Variants in EBF1 observed in about 807,000 individuals in gnomAD.
EBF1 encodes the protein EBF transcription factor 1.
In EBF1, 10 loss-of-function variants were observed where a neutral mutation model predicts 68.4. That is an observed-to-expected ratio of 0.15 (90% CI 0.09 to 0.25). EBF1 has a LOEUF of 0.25. EBF1 is among the 10% of genes least tolerant of loss of function. EBF1 has a pLI of 1.00. For synonymous variants in EBF1, 298 were observed against 299.8 expected (o/e 0.99, Z 0.06); for missense variants, 509 against 794.4 (o/e 0.64, Z 4.32).
At chr5:158,932,139 C>T (rs759955838) in intron 6 of EBF1, among the ~76,000 whole-genome samples, 15 of 152,172 alleles carry the variant, frequency 9.9e-5, no homozygotes, top group Admixed American at 2.0e-4. Context: ...TGAAAACATT[C>T]ATATCCTTTG....
Position 159,030,400 on chromosome 5 carries a change from A to G in EBF1, c.554+42996T>C, listed in dbSNP as rs149263387. ...CCAGCATAAGCAAAGGAGCTGGCAT[A>G]AAAGAAATACTCCACAAATATTTGT... is the stretch of plus-strand genomic sequence containing the variant. On this transcript the variant is annotated intron_variant, in intron 6 of 15. Coordinates refer to ENST00000313708, the MANE Select transcript of EBF1 (RefSeq NM_024007.5). Among the ~76,000 whole-genome samples, 48 of 152,348 alleles carry G rather than the reference A, an allele frequency of 3.2e-4. 2 individuals carry two copies. Among genetic ancestry groups the G allele is most frequent in the East Asian group, 3.1e-3 (16 of 5,192 alleles).
intron 6 of EBF1, among the ~76,000 whole-genome samples, chr5:159,013,205 A>G (rs2127687102): frequency 6.6e-6 from 1 of 152,312 alleles, no homozygotes; most frequent in East Asian, 1.9e-4. Flanking sequence ...CATAAGTAAT[A>G]TATGAATTTT....
At chr5:159,067,962 A>T (rs1432691694) in intron 6 of EBF1, among the ~76,000 whole-genome samples, 2 of 152,178 alleles carry the variant, frequency 1.3e-5, no homozygotes, top group Non-Finnish European at 2.9e-5. Context: ...TCAAGGTTAC[A>T]AATCAGGTGG....
Position 158,696,097 on chromosome 5 carries a change from G to A in EBF1, c.*3014C>T. The A allele has an allele frequency of 4.7e-6, 1 of 213,484 alleles. No individual in the cohort carries two copies. Among genetic ancestry groups the A allele is most frequent in the Non-Finnish European group, 9.5e-6 (1 of 105,536 alleles). 13.2% of individuals were successfully genotyped at this position (213,484 alleles called of 1,614,324 possible). Reference sequence around the variant, plus strand: ...GTTTTGATAAGAAGGTGAAAGGTTAGTAGATTTAGAGATGACTTCATTTAA... The same window carrying A: ...GTTTTGATAAGAAGGTGAAAGGTTAATAGATTTAGAGATGACTTCATTTAA... On this transcript the variant is annotated 3_prime_UTR_variant, in exon 16 of 16. Transcript: ENST00000313708.
At chr5:158,968,734 A>G (rs1299756575) in intron 6 of EBF1, among the ~76,000 whole-genome samples, 1 of 152,244 alleles carries the variant, frequency 6.6e-6, no homozygotes, top group Non-Finnish European at 1.5e-5. Flanking sequence ...TTATGAAAAC[A>G]ACTTCAAAAA....
At chr5:159,033,237 C>T (rs1769302767) in intron 6 of EBF1, among the ~76,000 whole-genome samples, 1 of 152,230 alleles carries the variant, frequency 6.6e-6, no homozygotes, top group African/African-American at 2.4e-5. Flanking sequence ...CACTCCGCAG[C>T]ACAGGAAAGG....
At chr5:158,922,813 A>G (rs574543351) in intron 6 of EBF1, among the ~76,000 whole-genome samples, 1 of 152,368 alleles carries the variant, frequency 6.6e-6, no homozygotes, top group Admixed American at 6.5e-5. Flanking sequence ...GCCAGATTTC[A>G]GAGGGATTTT....
intron 8 of EBF1, among the ~76,000 whole-genome samples, chr5:158,810,463 T>C (rs1212237954): frequency 6.6e-6 from 1 of 152,168 alleles, no homozygotes; most frequent in Non-Finnish European, 1.5e-5. Context: ...ATTTGCACTA[T>C]CTTGAAATTT....
chr5:159,097,272 G>C lies in EBF1; in HGVS notation c.135-142C>G, dbSNP rs980176802. The stretch of plus-strand genomic sequence containing the variant: ...AGTGGGCGCTCTTCACGCCCCTTCA[G>C]GCGACATAGACCCAGCTGACAACGG... On this transcript the variant is annotated intron_variant, in intron 1 of 15. Transcript: ENST00000313708. 6.3e-6 allele frequency: 6 copies of C among 948,730 alleles called. No individual in the cohort carries two copies. In the African/African-American group the frequency reaches 9.9e-5, roughly 16 times the overall value. The allele number at this position is 948,730 out of a possible 1,614,324, so 58.8% of individuals were successfully genotyped here.
chr5:158,998,918 C>A (rs746689343), intron 6 of EBF1, among the ~76,000 whole-genome samples: 4 of 152,028 alleles, frequency 2.6e-5, no homozygotes, highest in African/African-American at 4.8e-5. Flanking sequence ...ATGCTTTTCA[C>A]CTAGTACTGA....
At chr5:159,006,821 C>T (rs915323235) in intron 6 of EBF1, among the ~76,000 whole-genome samples, 2 of 152,058 alleles carry the variant, frequency 1.3e-5, no homozygotes, top group African/African-American at 4.8e-5. Flanking sequence ...GAGAACAACT[C>T]CAATTTCTAT....
intron 6 of EBF1, among the ~76,000 whole-genome samples, chr5:159,069,980 T>C (rs1469014963): frequency 6.6e-6 from 1 of 152,208 alleles, no homozygotes; most frequent in African/African-American, 2.4e-5. Context: ...TTAGTTACTG[T>C]GTCAATATGT....
rs1447355762 is a variant in EBF1, at chr5:158,697,180, C to G, written c.*1931G>C. ...TTCCATGCATATTAATAGAGTAAAA[C>G]AGCATTAGGGTTGTTTTGTAAGCTT... On this transcript the variant is annotated 3_prime_UTR_variant, in exon 16 of 16. Coordinates refer to ENST00000313708, the MANE Select transcript of EBF1 (RefSeq NM_024007.5). The G allele has an allele frequency of 5.2e-6, 1 of 193,718 alleles. No homozygotes were observed. Among genetic ancestry groups the G allele is most frequent in the African/African-American group, 2.3e-5 (1 of 43,022 alleles). The allele number at this position is 193,718 out of a possible 1,614,324, so 12.0% of individuals were successfully genotyped here. A position where few individuals can be genotyped will look rare whatever the true frequency, so the allele number is the denominator to read the frequency against.
Position 158,698,042 on chromosome 5 carries a change from ACT to A in EBF1, c.*1067_*1068del, listed in dbSNP as rs1756026459. The stretch of plus-strand genomic sequence containing the variant: ...ATTATGTTACAAATGGTAAGGGTCG[ACT>A]GATAGAGGCAGTATCTGGAATGGGA... On this transcript the variant is annotated 3_prime_UTR_variant, in exon 16 of 16. Transcript: ENST00000313708. 1 of 215,788 alleles carries A rather than the reference ACT, an allele frequency of 4.6e-6. No homozygotes were observed. The highest frequency in any genetic ancestry group is 5.8e-5 in the Admixed American group (1 of 17,120). The allele number at this position is 215,788 out of a possible 1,614,324, so 13.4% of individuals were successfully genotyped here.
intron 11 of EBF1, among the ~76,000 whole-genome samples, chr5:158,724,675 A>T (rs552527366): frequency 6.6e-6 from 1 of 152,190 alleles, no homozygotes; most frequent in African/African-American, 2.4e-5. Flanking sequence ...CTGAGCAAAA[A>T]CAGTGCCTGT....
At chr5:158,771,520 A>G (rs143068063) in intron 10 of EBF1, among the ~76,000 whole-genome samples, 1 of 152,270 alleles carries the variant, frequency 6.6e-6, no homozygotes, top group Admixed American at 6.5e-5. Flanking sequence ...CAATATGTCA[A>G]TGATAGCACC....
intron 6 of EBF1, among the ~76,000 whole-genome samples, chr5:158,852,532 G>A (rs1323174955): frequency 1.3e-5 from 2 of 152,034 alleles, no homozygotes; most frequent in African/African-American, 4.8e-5. Context: ...TAAACCTCAG[G>A]ACCAGTCTAC....
chr5:158,965,307 C>T (rs1561648547), intron 6 of EBF1, among the ~76,000 whole-genome samples: 1 of 152,160 alleles, frequency 6.6e-6, no homozygotes, highest in Admixed American at 6.5e-5. Context: ...TTGAGCAGTC[C>T]CCTTACATCT....
At chr5:158,958,982 T>C (rs997046829) in intron 6 of EBF1, among the ~76,000 whole-genome samples, 53 of 152,216 alleles carry the variant, frequency 3.5e-4, no homozygotes, top group African/African-American at 1.2e-3. Flanking sequence ...CAAGTCATCT[T>C]GAACTGGCTA....
Sources: gnomAD v4.1 joint callset for allele counts (sites outside exome capture counted in the v4.1 genomes callset) on GRCh38, gnomAD v4.1.1 for gene constraint, MANE v1.5 for transcripts, NCBI Gene and HGNC (gene_info 2026-07-23, HGNC 2026-07-21) for gene names.